The following ZNF496 variants were observed in gnomAD, a reference collection of about 807,000 sequenced individuals.
The protein encoded by ZNF496 is NSD1 (nuclear receptor binding SET-domain containing 1)-interacting zinc finger protein 1.
ZNF496 carries 11 observed loss-of-function variants against 58.9 expected under a neutral mutation model. That is an observed-to-expected ratio of 0.19 (90% CI 0.12 to 0.31). The LOEUF (loss-of-function observed/expected upper bound fraction) is 0.31, where lower values mean the gene tolerates loss of function less well. Ranked by LOEUF, ZNF496 falls within the 10% of genes least tolerant of loss-of-function variation. The pLI, the probability that ZNF496 is intolerant of heterozygous loss-of-function variation, is 1.00. For synonymous variants in ZNF496, 338 were observed against 318.2 expected (o/e 1.06, Z -0.66); for missense variants, 660 against 783.0 (o/e 0.84, Z 1.88).
At chr1:247,304,712 C>A (rs1222161636) in intron 9 of ZNF496, among the ~76,000 whole-genome samples, 1 of 152,164 alleles carries the variant, frequency 6.6e-6, no homozygotes, top group African/African-American at 2.4e-5. Flanking sequence ...GGACCCATTA[C>A]CCTTTCTTCT....
intron 5 of ZNF496, 78 bp downstream of exon 5, chr1:247,328,605 C>T (rs566471374): frequency 1.4e-6 from 2 of 1,412,342 alleles, no homozygotes; most frequent in South Asian, 3.2e-5. Context: ...ATCAGCTTAA[C>T]AAAAACCACA....
In ZNF496 at chr1:247,309,418, C is replaced by A; in HGVS notation, c.892+281G>T. The A allele has an allele frequency of 7.9e-6, 10 of 1,269,266 alleles. No individual in the cohort carries two copies. The highest frequency in any genetic ancestry group is 1.0e-5 in the Non-Finnish European group (10 of 1,003,806). 78.6% of individuals were successfully genotyped at this position (1,269,266 alleles called of 1,614,324 possible). A position where few individuals can be genotyped will look rare whatever the true frequency, so the allele number is the denominator to read the frequency against. ...CCTGGAGGGGCTGCTGCATTGTCAG[C>A]ACAAACCAGATGTTACTTACAGGCA... On this transcript the variant is annotated intron_variant, in intron 8 of 9. Transcript: ENST00000682384. This position sits in a 1 kb window ranked among gnomAD's most constrained non-coding sequence, Gnocchi z 4.3.
At chr1:247,303,842 A>T (rs1659322172) in intron 9 of ZNF496, among the ~76,000 whole-genome samples, 1 of 152,212 alleles carries the variant, frequency 6.6e-6, no homozygotes, top group Admixed American at 6.5e-5. Flanking sequence ...CACTGGAGAG[A>T]CACCAAGAGT....
At chr1:247,302,874 A>G (rs1659292815) in intron 9 of ZNF496, among the ~76,000 whole-genome samples, 1 of 152,190 alleles carries the variant, frequency 6.6e-6, no homozygotes, top group Non-Finnish European at 1.5e-5. Context: ...GCTGCCGATG[A>G]CAAGGTACTT....
chr1:247,307,163 G>A (rs1659441181), intron 9 of ZNF496: 1 of 985,340 alleles, frequency 1.0e-6, no homozygotes, highest in Admixed American at 6.1e-5. Context: ...GCGTGGGCAT[G>A]GATATAGAGA....
intron 6 of ZNF496, chr1:247,313,670 T>C (rs1332610381): frequency 1.3e-5 from 2 of 152,212 alleles, no homozygotes; most frequent in Non-Finnish European, 2.9e-5. Context: ...TTCTCAAGTT[T>C]ATGTTGCACA....
intron 9 of ZNF496, among the ~76,000 whole-genome samples, chr1:247,305,516 G>A (rs1259125635): frequency 1.3e-5 from 2 of 152,216 alleles, no homozygotes; most frequent in African/African-American, 2.4e-5. Context: ...TGCAGGCGGA[G>A]TGGCAAAGGC....
In ZNF496 at chr1:247,300,417, G is replaced by A; in HGVS notation, c.*102C>T. 1 of 1,302,164 alleles carries A rather than the reference G, an allele frequency of 7.7e-7. No homozygotes were observed. The highest frequency in any genetic ancestry group is 1.0e-6 in the Non-Finnish European group (1 of 966,044). 80.7% of individuals were successfully genotyped at this position (1,302,164 alleles called of 1,614,324 possible). A position where few individuals can be genotyped will look rare whatever the true frequency, so the allele number is the denominator to read the frequency against. Reference sequence around the variant, plus strand: ...GAGAGCAAGGACAGGAGGGAGGTGTGCTCTCTATCCTGGGGAAGGTATGTC... The same window carrying A: ...GAGAGCAAGGACAGGAGGGAGGTGTACTCTCTATCCTGGGGAAGGTATGTC... On this transcript the variant is annotated 3_prime_UTR_variant, in exon 10 of 10. Coordinates refer to ENST00000682384, the MANE Select transcript of ZNF496 (RefSeq NM_032752.3). The surrounding 1 kb of genome is among the most constrained non-coding windows in gnomAD (Gnocchi z 5.7).
At chr1:247,316,616 C>T (rs187634873) in intron 6 of ZNF496, among the ~76,000 whole-genome samples, 245 of 152,274 alleles carry the variant, frequency 1.6e-3, no homozygotes, top group African/African-American at 5.6e-3. Context: ...CGAATCTTCT[C>T]AGCCTCCATA....
At chr1:247,328,434 G>A (rs1197406582) in intron 5 of ZNF496, among the ~76,000 whole-genome samples, 1 of 152,172 alleles carries the variant, frequency 6.6e-6, no homozygotes, top group Non-Finnish European at 1.5e-5. Flanking sequence ...CCACCTCAGT[G>A]ACACCCACCT....
intron 9 of ZNF496, among the ~76,000 whole-genome samples, chr1:247,301,978 T>C (rs943940754): frequency 9.2e-5 from 14 of 152,098 alleles, no homozygotes; most frequent in Non-Finnish European, 2.1e-4. Context: ...CAGGTGGTGA[T>C]GGATAAAGCT....
At chr1:247,307,789 C>T (rs1659463665) in intron 9 of ZNF496, 8 of 985,370 alleles carry the variant, frequency 8.1e-6, no homozygotes, top group Non-Finnish European at 8.4e-6. Context: ...CACGTGGGTT[C>T]AGGTAAGAAT....
chr1:247,300,975 C>G lies in ZNF496; in HGVS notation c.1308G>C (p.Glu436Asp), dbSNP rs747404709. 3 of 1,613,794 alleles carry G rather than the reference C, an allele frequency of 1.9e-6. No individual in the cohort carries two copies. Residue 436 changes from glutamate to aspartate, a missense_variant, in exon 10 of 10, where the codon GAG (glutamate) becomes GAC (aspartate). By Grantham distance (45) the Glu-to-Asp change is conservative (BLOSUM62 2). Transcript: ENST00000682384. The surrounding 1 kb of genome is among the most constrained non-coding windows in gnomAD (Gnocchi z 5.7). ...TGAACAGCTCCCCGCACACCGAGCA[C>G]TCGTGCGGCTTCTCCTGCTCCCTGC... is the stretch of plus-strand genomic sequence containing the variant. ...RSRREQEKPH[E>D]CSVCGELFSD...
At chr1:247,301,828 T>A (rs1659248452) in intron 9 of ZNF496, among the ~76,000 whole-genome samples, 1 of 152,166 alleles carries the variant, frequency 6.6e-6, no homozygotes, top group Non-Finnish European at 1.5e-5. Flanking sequence ...TGTTTACACA[T>A]AAACTAAGGT....
rs192991359 is a variant in ZNF496 at position 247,326,147 on chromosome 1, T to C, written c.574+2536A>G. On this transcript the variant is annotated intron_variant, in intron 5 of 9. Coordinates refer to ENST00000682384, the MANE Select transcript of ZNF496 (RefSeq NM_032752.3). The stretch of plus-strand genomic sequence containing the variant: ...ACATACATATATATATATACACACA[T>C]ATATATATATATATATGAATATGTA... Among the ~76,000 whole-genome samples, 453 of 144,980 alleles carry C rather than the reference T, an allele frequency of 3.1e-3. 1 individual carries two copies. The highest frequency in any genetic ancestry group is 7.1e-3 in the Middle Eastern group (2 of 282).
At chr1:247,317,967 G>A (rs4320815) in intron 6 of ZNF496, among the ~76,000 whole-genome samples, 85,111 of 152,008 alleles carry the variant, frequency 0.56, 24,302 homozygotes, top group Middle Eastern at 0.79. Context: ...ACAATTATAA[G>A]CACACTCCAA....
At chr1:247,307,246 C>T (rs764778416) in intron 9 of ZNF496, 148 of 985,278 alleles carry the variant, frequency 1.5e-4, no homozygotes, top group Non-Finnish European at 1.7e-4. Context: ...CTGGCAGGAG[C>T]TACCAAAATA....
chr1:247,330,615 T>C (rs943090421), intron 2 of ZNF496, among the ~76,000 whole-genome samples: 4 of 152,206 alleles, frequency 2.6e-5, no homozygotes, highest in Non-Finnish European at 4.4e-5. Flanking sequence ...CCAGTATACC[T>C]GGTGTTTATG....
intron 6 of ZNF496, chr1:247,313,493 A>G (rs1659673113): frequency 6.6e-6 from 1 of 152,236 alleles, no homozygotes; most frequent in Non-Finnish European, 1.5e-5. Context: ...GGATGTGGAG[A>G]AACAGGTCTT....
Sources: allele counts gnomAD v4.1 joint callset (sites outside exome capture counted in the v4.1 genomes callset), GRCh38; gene constraint gnomAD v4.1.1; non-coding constraint Gnocchi (gnomAD v3.1); transcripts MANE v1.5; gene names NCBI Gene and HGNC (gene_info 2026-07-23, HGNC 2026-07-21).